PITRM1: variants seen among roughly 807,000 people sequenced by gnomAD.
PITRM1 encodes the protein presequence protease, mitochondrial.
In PITRM1, 100 loss-of-function variants were observed where a neutral mutation model predicts 129.9. That is an observed-to-expected ratio of 0.77 (90% confidence interval 0.65 to 0.91). The LOEUF (loss-of-function observed/expected upper bound fraction) is 0.91. Ranked by LOEUF, PITRM1 falls within the 40% of genes least tolerant of loss-of-function variation. The pLI is 0.00. For synonymous variants in PITRM1, 591 were observed against 508.8 expected, an observed-to-expected ratio of 1.16 and a Z score of -2.17; for missense variants, 1,471 against 1,318.3, an observed-to-expected ratio of 1.12 and a Z score of -1.79.
At position 3,163,751 on chromosome 10, in the gene PITRM1, G is replaced by A. The variant is rs1842641120; in HGVS notation, c.765C>T (p.Ala255=). 2 of 1,610,970 alleles carry A rather than the reference G, an allele frequency of 1.2e-6. No individual in the cohort carries two copies. Among genetic ancestry groups the A allele is most frequent in the Non-Finnish European group, 1.7e-6 (2 of 1,178,870 alleles). ...TAGCATTGCTTGGGTGATAGTGAGT[G>A]GCATGAAACTGCTTAAGCTGCTCCC... is the stretch of plus-strand genomic sequence containing the variant. ...LTWEQLKQFH[A]THYHPSNARF... Residue 255 remains alanine (A), a synonymous_variant, in exon 7 of 27, where the codon GCC becomes GCT. Transcript: ENST00000224949.
intron 25 of PITRM1, chr10:3,138,673 C>T: frequency 1.5e-6 from 1 of 649,036 alleles, no homozygotes; most frequent in Non-Finnish European, 2.8e-6. Context: ...CGGACACTGC[C>T]ATGGGTTGGC....
chr10:3,169,136 AAGG>A (rs1843133686), intron 2 of PITRM1, among the ~76,000 whole-genome samples: 1 of 152,202 alleles, frequency 6.6e-6, no homozygotes, highest in Non-Finnish European at 1.5e-5. Context: ...TTGAGAAATA[AAGG>A]AGGAGAATCT....
At position 3,137,732 on chromosome 10, in the gene PITRM1, G is replaced by C. The variant is rs1365999627; in HGVS notation, c.*299C>G. 44 of 418,958 alleles carry C rather than the reference G, an allele frequency of 1.1e-4. No individual in the cohort carries two copies. Among genetic ancestry groups the C allele is most frequent in the Non-Finnish European group, 1.6e-4 (34 of 217,078 alleles). 26.0% of individuals were successfully genotyped at this position (418,958 alleles called of 1,614,324 possible). A position where few individuals can be genotyped will look rare whatever the true frequency, so the allele number is the denominator to read the frequency against. On this transcript the variant is annotated 3_prime_UTR_variant, in exon 27 of 27. Transcript: ENST00000224949. ...AAATAATGACTCAAGCAGAGGTTAA[G>C]TCAGAGTTGCCCTTTATTTTTAGAT...
chr10:3,155,741 A>G lies in PITRM1; in HGVS notation c.1483-12T>C, dbSNP rs1002310996. 6.2e-7 allele frequency: 1 copy of G among 1,613,176 alleles called. No homozygotes were observed. The highest frequency in any genetic ancestry group is 1.3e-5 in the African/African-American group (1 of 74,892). On this transcript the variant is annotated splice_polypyrimidine_tract_variant and intron_variant, in intron 13 of 26. Transcript: ENST00000224949. ...TTATGCTGGTTATTCTGCAGCAATCACAGCAACAACAAAAGCCAAGTGAAA... is the reference window on the plus strand; with the variant it reads ...TTATGCTGGTTATTCTGCAGCAATCGCAGCAACAACAAAAGCCAAGTGAAA...
In PITRM1 at chr10:3,145,582, C is replaced by A. The variant is rs1326429919; in HGVS notation, c.2457+14G>T. On this transcript the variant is annotated intron_variant, in intron 21 of 26. Transcript: ENST00000224949. ...ACCAGGCGCTCACCGGGCGCCAGCACCACCAGTGCATACCTCGACCGTGTG... is the reference window on the plus strand; with the variant it reads ...ACCAGGCGCTCACCGGGCGCCAGCAACACCAGTGCATACCTCGACCGTGTG... 5 of 1,548,598 alleles carry A rather than the reference C, an allele frequency of 3.2e-6. No homozygotes were observed. Among genetic ancestry groups the A allele is most frequent in the Admixed American group, 3.9e-5 (2 of 50,886 alleles).
intron 4 of PITRM1, among the ~76,000 whole-genome samples, chr10:3,166,019 G>A (rs544404534): frequency 6.6e-6 from 1 of 152,278 alleles, no homozygotes; most frequent in Non-Finnish European, 1.5e-5. Context: ...GTTCACATAT[G>A]TTTTCTTAAA....
In PITRM1 at chr10:3,141,766, C is replaced by T. The variant is rs530477157; in HGVS notation, c.2646-954G>A. 63 of 409,234 alleles carry T rather than the reference C, an allele frequency of 1.5e-4. 1 individual carries two copies. Among genetic ancestry groups the T allele is most frequent in the South Asian group, 1.1e-3 (60 of 55,598 alleles). The allele number at this position is 409,234 out of a possible 1,614,324, so 25.4% of individuals were successfully genotyped here. A position where few individuals can be genotyped will look rare whatever the true frequency, so the allele number is the denominator to read the frequency against. ...AAGTGGATGAAGGGAGTCAAATAGG[C>T]CAGGTGGGAAATCAAGGAAGGAGTG... On this transcript the variant is annotated intron_variant, in intron 23 of 26. Coordinates refer to ENST00000224949, the MANE Select transcript of PITRM1 (RefSeq NM_014889.4).
intron 7 of PITRM1, 75 bp from the exon 8 acceptor site, chr10:3,160,405 A>C (rs1842348404): frequency 1.6e-6 from 2 of 1,258,434 alleles, no homozygotes; most frequent in Non-Finnish European, 2.3e-6. Flanking sequence ...TGTTTCACTG[A>C]AACACAGCAC....
chr10:3,145,732 T>G lies in PITRM1; in HGVS notation c.2337-16A>C. The G allele has an allele frequency of 6.5e-7, 1 of 1,531,726 alleles. No individual in the cohort carries two copies. Among genetic ancestry groups the G allele is most frequent in the Non-Finnish European group, 8.8e-7 (1 of 1,130,082 alleles). The allele number at this position is 1,531,726 out of a possible 1,614,324, so 94.9% of individuals were successfully genotyped here. On this transcript the variant is annotated splice_polypyrimidine_tract_variant and intron_variant, in intron 20 of 26. Coordinates refer to ENST00000224949, the MANE Select transcript of PITRM1 (RefSeq NM_014889.4). ...CACTGAACACCTGTTTGAAAAATTA[T>G]GTATACATAAAACCACTGTTAGAAA...
chr10:3,143,550 C>G (rs770634106), intron 22 of PITRM1, 49 bp from the exon 23 acceptor site: 1 of 1,296,626 alleles, frequency 7.7e-7, no homozygotes, highest in Admixed American at 1.7e-5. Flanking sequence ...ATGCACCGCC[C>G]ACGGCACTGG....
chr10:3,138,599 G>C (rs1839840374), intron 25 of PITRM1: 2 of 603,092 alleles, frequency 3.3e-6, no homozygotes, highest in South Asian at 3.9e-5. Flanking sequence ...AGCAAAAGCG[G>C]CTCCAGAGAG....
At position 3,165,283 on chromosome 10, in the gene PITRM1, G is replaced by A; in HGVS notation, c.585C>T (p.Pro195=). ...TAAAGACGACTCCTTTAAAGACCAA[G>A]GGCGTCTGGGGGTCGCTCGGATTCT... ...EHENPSDPQT[P]LVFKGVVFNE... The change falls in exon 6 of 27, where the codon CCC becomes CCT. Residue 195 remains proline, a synonymous_variant. Coordinates refer to ENST00000224949, the MANE Select transcript of PITRM1 (RefSeq NM_014889.4). 1 of 1,585,588 alleles carries A rather than the reference G, an allele frequency of 6.3e-7. No individual in the cohort carries two copies. Among genetic ancestry groups the A allele is most frequent in the South Asian group, 1.2e-5 (1 of 86,366 alleles).
At chr10:3,144,727 C>T (rs1318342138) in intron 21 of PITRM1, among the ~76,000 whole-genome samples, 1 of 152,086 alleles carries the variant, frequency 6.6e-6, no homozygotes, top group Non-Finnish European at 1.5e-5. Context: ...ATCACTTGAG[C>T]CCAGGAGGTC....
At chr10:3,150,030 C>T (rs867338645) in intron 15 of PITRM1, among the ~76,000 whole-genome samples, 2 of 152,144 alleles carry the variant, frequency 1.3e-5, no homozygotes, top group Admixed American at 1.3e-4. Context: ...AACCTCTCCC[C>T]GTCAACCAGA....
intron 15 of PITRM1, among the ~76,000 whole-genome samples, chr10:3,150,450 G>A (rs1381615192): frequency 2.0e-5 from 3 of 152,074 alleles, no homozygotes; most frequent in Admixed American, 6.6e-5. Context: ...CATGACAAGC[G>A]CTGTCAGAAG....
Position 3,170,168 on chromosome 10 carries a change from C to T in PITRM1, c.95G>A (p.Arg32Gln), listed in dbSNP as rs115564496. The T allele has an allele frequency of 5.8e-4, 930 of 1,613,972 alleles. 9 individuals are homozygous for T. In the African/African-American group the frequency reaches 0.01, roughly 18 times the overall value. The change falls in exon 2 of 27, where the codon CGG becomes CAG. Residue 32 changes from arginine to glutamine, a missense_variant. Coordinates refer to ENST00000224949, the MANE Select transcript of PITRM1 (RefSeq NM_014889.4). ...ATACTGCAGAGCCCTCTCACAAGCC[C>T]GGTTACTGTTCCATCGCCACGCTCT... The part of the protein sequence containing the change: ...HHRAWRWNSN[R>Q]ACERALQYKL...
In PITRM1 at chr10:3,172,747, C is replaced by CCCTGCCG; in HGVS notation, c.19_25dup (p.Gly9AlafsTer25). ...GCTCAGCCGCCTCAGCACACACAGG[C>CCCTGCCG]CCTGCCGCCCGCCGCAGCGCCACAT... On this transcript the variant is annotated frameshift_variant, in exon 1 of 27. Transcript: ENST00000224949. LOFTEE classifies it high-confidence loss of function. 1 of 1,545,938 alleles carries CCCTGCCG rather than the reference C, an allele frequency of 6.5e-7. No homozygotes were observed. Among genetic ancestry groups the CCCTGCCG allele is most frequent in the Non-Finnish European group, 8.7e-7 (1 of 1,145,376 alleles).
intron 2 of PITRM1, among the ~76,000 whole-genome samples, chr10:3,169,194 A>G (rs1843139384): frequency 6.6e-6 from 1 of 152,194 alleles, no homozygotes; most frequent in Non-Finnish European, 1.5e-5. Context: ...TGTACCATAA[A>G]CCCAAGTGTC....
rs779787182 is a variant in PITRM1 at position 3,157,468 on chromosome 10, ATG to A, written c.1312_1313del (p.His438SerfsTer20). 2.1e-5 allele frequency: 34 copies of A among 1,611,070 alleles called. No individual in the cohort carries two copies. In the South Asian group the frequency reaches 3.7e-4, roughly 18 times the overall value. ...LLHKIEIQMK[H>X]QSTSFGLMLT... ...GCATCAGCCCAAAGCTGGTAGACTG[ATG>A]TTTCATCTGTATTTCAATTTTATGA... On this transcript the variant is annotated frameshift_variant, in exon 12 of 27. Coordinates refer to ENST00000224949, the MANE Select transcript of PITRM1 (RefSeq NM_014889.4). LOFTEE classifies it high-confidence loss of function.
Sources: gnomAD v4.1 joint callset for allele counts (sites outside exome capture counted in the v4.1 genomes callset) on GRCh38, gnomAD v4.1.1 for gene constraint, MANE v1.5 for transcripts, NCBI Gene and HGNC (gene_info 2026-07-23, HGNC 2026-07-21) for gene names.